Variants in RPAP2 observed in about 807,000 individuals in gnomAD.
RPAP2 encodes the protein putative RNA polymerase II subunit B1 CTD phosphatase RPAP2.
In RPAP2, 52 loss-of-function variants were observed where a neutral mutation model predicts 73.1. The ratio of observed to expected loss-of-function variants is 0.71; its 90% CI spans 0.57 to 0.90. The LOEUF is 0.90. Ranked by LOEUF, RPAP2 falls within the 40% of genes least tolerant of loss-of-function variation. The pLI, the probability that RPAP2 is intolerant of heterozygous loss-of-function variation, is 0.00. For synonymous variants in RPAP2, 225 were observed against 242.1 expected, an observed-to-expected ratio of 0.93 and a Z score of 0.65; for missense variants, 598 against 701.8, an observed-to-expected ratio of 0.85 and a Z score of 1.67.
intron 11 of RPAP2, among the ~76,000 whole-genome samples, chr1:92,352,271 G>A (rs962415398): frequency 6.6e-6 from 1 of 152,144 alleles, no homozygotes; most frequent in African/African-American, 2.4e-5. Context: ...TGCAAGTCCT[G>A]GGAAATGGTA....
At chr1:92,309,568 C>T (rs71510743) in intron 6 of RPAP2, among the ~76,000 whole-genome samples, 232 of 8,228 alleles carry the variant, frequency 0.028, no homozygotes, top group African/African-American at 0.06. Context: ...CATACACATA[C>T]ACATATACAT....
At chr1:92,337,849 A>G (rs1653366013) in intron 10 of RPAP2, among the ~76,000 whole-genome samples, 1 of 152,108 alleles carries the variant, frequency 6.6e-6, no homozygotes, top group Admixed American at 6.5e-5. Context: ...TATTTTCTTT[A>G]ATGTTGTGAC....
chr1:92,401,594 C>G lies in RPAP2; in HGVS notation c.*14583C>G, dbSNP rs747842309. The G allele has an allele frequency of 1.3e-5, 2 of 152,184 alleles. No homozygotes were observed. The highest frequency in any genetic ancestry group is 2.9e-5 in the Non-Finnish European group (2 of 68,036). 9.4% of individuals were successfully genotyped at this position (152,184 alleles called of 1,614,324 possible). The stretch of plus-strand genomic sequence containing the variant: ...TATAAGTGGTGAAAGCACATATCCT[C>G]CCCTTGTTCCTAATTTTAGAGGGAA... On this transcript the variant is annotated 3_prime_UTR_variant, in exon 13 of 13. Transcript: ENST00000610020.
intron 8 of RPAP2, among the ~76,000 whole-genome samples, chr1:92,326,985 T>TG (rs1215364639): frequency 2.6e-4 from 39 of 152,344 alleles, no homozygotes; most frequent in African/African-American, 8.7e-4. Flanking sequence ...CCTGTTCATT[T>TG]GGAATTGTTA....
At chr1:92,373,060 CA>C (rs1655219476) in intron 11 of RPAP2, among the ~76,000 whole-genome samples, 1 of 152,180 alleles carries the variant, frequency 6.6e-6, no homozygotes, top group Non-Finnish European at 1.5e-5. Flanking sequence ...ACAGTGGACA[CA>C]ATATATGAAG....
At position 92,390,323 on chromosome 1, in the gene RPAP2, T is replaced by A. The variant is rs1169314432; in HGVS notation, c.*3312T>A. 1 of 152,104 alleles carries A rather than the reference T, an allele frequency of 6.6e-6. No individual in the cohort carries two copies. Among genetic ancestry groups the A allele is most frequent in the Non-Finnish European group, 1.5e-5 (1 of 68,018 alleles). The allele number at this position is 152,104 out of a possible 1,614,324, so 9.4% of individuals were successfully genotyped here. A position where few individuals can be genotyped will look rare whatever the true frequency, so the allele number is the denominator to read the frequency against. On this transcript the variant is annotated 3_prime_UTR_variant, in exon 13 of 13. Coordinates refer to ENST00000610020, the MANE Select transcript of RPAP2 (RefSeq NM_024813.3). ...CTTCTTAAGTGAAGGAGAAATAAAA[T>A]CCTTTACAGACAAGCAAATGCTGAG...
intron 11 of RPAP2, among the ~76,000 whole-genome samples, chr1:92,380,017 T>C (rs1447978982): frequency 1.3e-5 from 2 of 150,684 alleles, no homozygotes; most frequent in South Asian, 4.2e-4. Context: ...CCTAACACTT[T>C]GGGAGGCTGA....
intron 11 of RPAP2, among the ~76,000 whole-genome samples, chr1:92,350,704 C>A (rs1474336352): frequency 6.6e-6 from 1 of 152,124 alleles, no homozygotes; most frequent in East Asian, 1.9e-4. Flanking sequence ...CTCTGGGAGG[C>A]CGAGGCAGGC....
chr1:92,366,312 G>T (rs1429835232), intron 11 of RPAP2, among the ~76,000 whole-genome samples: 1 of 152,116 alleles, frequency 6.6e-6, no homozygotes, highest in Non-Finnish European at 1.5e-5. Flanking sequence ...CTTAAAAAAA[G>T]TGTCTGAATT....
At chr1:92,338,583 C>A (rs904908259) in intron 10 of RPAP2, among the ~76,000 whole-genome samples, 3 of 151,420 alleles carry the variant, frequency 2.0e-5, no homozygotes, top group Non-Finnish European at 4.4e-5. Context: ...GAGTGAATAT[C>A]ATCATACTAA....
rs1053589679 is a variant in RPAP2 at position 92,399,752 on chromosome 1, C to T, written c.*12741C>T. 1 of 152,176 alleles carries T rather than the reference C, an allele frequency of 6.6e-6. No individual in the cohort carries two copies. Among genetic ancestry groups the T allele is most frequent in the Non-Finnish European group, 1.5e-5 (1 of 68,032 alleles). The allele number at this position is 152,176 out of a possible 1,614,324, so 9.4% of individuals were successfully genotyped here. On this transcript the variant is annotated 3_prime_UTR_variant, in exon 13 of 13. Transcript: ENST00000610020. ...TCCTTACCTCTTATCCTTCTCACATCGTCCCATTAACACATTATCCATCTT... is the reference window on the plus strand; with the variant it reads ...TCCTTACCTCTTATCCTTCTCACATTGTCCCATTAACACATTATCCATCTT...
At chr1:92,386,388 G>C (rs994435962) in intron 12 of RPAP2, among the ~76,000 whole-genome samples, 2 of 152,152 alleles carry the variant, frequency 1.3e-5, no homozygotes, top group Non-Finnish European at 2.9e-5. Context: ...ACTTCATCCT[G>C]ACTGAGGACA....
intron 5 of RPAP2, among the ~76,000 whole-genome samples, chr1:92,304,798 T>G (rs893831484): frequency 4.6e-5 from 7 of 152,144 alleles, no homozygotes; most frequent in African/African-American, 1.4e-4. Context: ...TATACATAGA[T>G]CAATTTTAGG....
chr1:92,299,639 T>C (rs540422796), intron 1 of RPAP2, among the ~76,000 whole-genome samples: 1 of 152,262 alleles, frequency 6.6e-6, no homozygotes, highest in South Asian at 2.1e-4. Flanking sequence ...ATTAAGCAAC[T>C]ATGATACAGA....
In RPAP2 at chr1:92,392,028, T is replaced by C. The variant is rs1656060842; in HGVS notation, c.*5017T>C. 1 of 152,226 alleles carries C rather than the reference T, an allele frequency of 6.6e-6. No individual in the cohort carries two copies. Among genetic ancestry groups the C allele is most frequent in the Admixed American group, 6.5e-5 (1 of 15,272 alleles). 9.4% of individuals were successfully genotyped at this position (152,226 alleles called of 1,614,324 possible). ...AGAAAAGGGAATCCTCCCTAACTCATTTTATGAGGCTAACATCATCCTGAT... is the reference window on the plus strand; with the variant it reads ...AGAAAAGGGAATCCTCCCTAACTCACTTTATGAGGCTAACATCATCCTGAT... On this transcript the variant is annotated 3_prime_UTR_variant, in exon 13 of 13. Transcript: ENST00000610020.
rs1220502046 is a variant in RPAP2, at chr1:92,323,547, T to C, written c.627T>C (p.Ser209=). The part of the protein sequence containing the change: ...HFEKQYESSS[S]STHSDSSSDN... ...AAAAGCAATATGAATCTAGTTCTTC[T>C]AGCACTCACAGTGATAGTAGCAGTG... Residue 209 remains serine, a synonymous_variant, in exon 8 of 13, where the codon TCT becomes TCC. Transcript: ENST00000610020. 1 of 1,613,860 alleles carries C rather than the reference T, an allele frequency of 6.2e-7. No homozygotes were observed. Among genetic ancestry groups the C allele is most frequent in the Non-Finnish European group, 8.5e-7 (1 of 1,179,862 alleles).
At chr1:92,376,499 T>A (rs1655392598) in intron 11 of RPAP2, among the ~76,000 whole-genome samples, 1 of 152,226 alleles carries the variant, frequency 6.6e-6, no homozygotes, top group Non-Finnish European at 1.5e-5. Flanking sequence ...CAGGAAATCC[T>A]GTCTCCAGAT....
intron 11 of RPAP2, among the ~76,000 whole-genome samples, chr1:92,349,262 G>A (rs565704631): frequency 8.1e-4 from 123 of 152,254 alleles, no homozygotes; most frequent in Non-Finnish European, 1.5e-3. Context: ...CACTTAAGAT[G>A]AATATAAGAT....
At chr1:92,305,667 A>T (rs1651181614) in intron 5 of RPAP2, among the ~76,000 whole-genome samples, 2 of 152,064 alleles carry the variant, frequency 1.3e-5, no homozygotes, top group Non-Finnish European at 2.9e-5. Context: ...TATAAGAAAA[A>T]GACAGACAAA....
Sources: allele counts gnomAD v4.1 joint callset (sites outside exome capture counted in the v4.1 genomes callset), GRCh38; gene constraint gnomAD v4.1.1; transcripts MANE v1.5; gene names NCBI Gene and HGNC (gene_info 2026-07-23, HGNC 2026-07-21).